TMEM238L: variants seen among roughly 807,000 people sequenced by gnomAD.
TMEM238L encodes transmembrane protein 238 like.
At chr17:10,802,715 A>T (rs2151524495) in intron 1 of TMEM238L, among the ~76,000 whole-genome samples, 1 of 152,256 alleles carries the variant, frequency 6.6e-6, no homozygotes, top group Middle Eastern at 3.4e-3. Context: ...CCACCTGGGG[A>T]GGAGGGTATG....
chr17:10,799,647 G>A (rs974751313), intron 1 of TMEM238L, among the ~76,000 whole-genome samples: 2 of 152,234 alleles, frequency 1.3e-5, no homozygotes, highest in Non-Finnish European at 1.5e-5. Flanking sequence ...AATCGTGAAT[G>A]TGTCTGGAAT....
intron 1 of TMEM238L, among the ~76,000 whole-genome samples, chr17:10,796,362 G>A (rs1013690879): frequency 2.0e-5 from 3 of 152,108 alleles, no homozygotes; most frequent in Non-Finnish European, 2.9e-5. Context: ...CGTCTATCAC[G>A]TCAGCATCCT....
intron 1 of TMEM238L, among the ~76,000 whole-genome samples, chr17:10,799,889 G>C (rs900572882): frequency 2.0e-5 from 3 of 152,016 alleles, no homozygotes; most frequent in African/African-American, 7.2e-5. Flanking sequence ...TCCCTTCCAG[G>C]GACATTGGCA....
chr17:10,799,214 G>A (rs1597578082), intron 1 of TMEM238L, among the ~76,000 whole-genome samples: 1 of 152,120 alleles, frequency 6.6e-6, no homozygotes. Flanking sequence ...TTTATTTTTT[G>A]GGGGATGGAG....
chr17:10,798,202 T>A (rs1904620266), intron 1 of TMEM238L, among the ~76,000 whole-genome samples: 1 of 151,986 alleles, frequency 6.6e-6, no homozygotes, highest in African/African-American at 2.4e-5. Flanking sequence ...CACAGCACGC[T>A]TCCCCCAGCC....
chr17:10,802,924 C>T (rs1025855308), intron 1 of TMEM238L, among the ~76,000 whole-genome samples: 1 of 152,182 alleles, frequency 6.6e-6, no homozygotes, highest in Non-Finnish European at 1.5e-5. Flanking sequence ...TCCATGAAGC[C>T]AAACTGTCTT....
intron 1 of TMEM238L, among the ~76,000 whole-genome samples, chr17:10,796,968 C>T (rs899379597): frequency 3.3e-5 from 5 of 152,190 alleles, no homozygotes; most frequent in Non-Finnish European, 4.4e-5. Flanking sequence ...GCCACTATAA[C>T]ATGAAACAGC....
chr17:10,799,540 G>C (rs2151522697), intron 1 of TMEM238L, among the ~76,000 whole-genome samples: 1 of 152,258 alleles, frequency 6.6e-6, no homozygotes, highest in South Asian at 2.1e-4. Context: ...AGCTAGGAAT[G>C]TGGGCATCAG....
At chr17:10,797,192 A>T (rs1005513894) in intron 1 of TMEM238L, among the ~76,000 whole-genome samples, 6 of 151,322 alleles carry the variant, frequency 4.0e-5, no homozygotes, top group African/African-American at 1.5e-4. Flanking sequence ...CTTAACCTCC[A>T]TACACCTTAT....
chr17:10,803,102 G>A (rs751096714), intron 1 of TMEM238L, among the ~76,000 whole-genome samples: 1 of 152,112 alleles, frequency 6.6e-6, no homozygotes, highest in Non-Finnish European at 1.5e-5. Context: ...GGTGCAGGGA[G>A]GAAGTGAACG....
At chr17:10,798,791 GGT>G (rs1904640220) in intron 1 of TMEM238L, among the ~76,000 whole-genome samples, 1 of 151,888 alleles carries the variant, frequency 6.6e-6, no homozygotes. Flanking sequence ...GTGGGGTGTT[GGT>G]GTGTGTGTAT....
At chr17:10,803,665 G>T in exon 1 of TMEM238L, 1 of 398,362 alleles carries the variant, frequency 2.5e-6, no homozygotes, top group Non-Finnish European at 4.4e-6. Context: ...AAGAGCCCCA[G>T]GTTCACAGAC....
intron 1 of TMEM238L, among the ~76,000 whole-genome samples, chr17:10,796,735 A>C (rs1415577708): frequency 2.0e-5 from 3 of 152,146 alleles, no homozygotes; most frequent in Non-Finnish European, 4.4e-5. Flanking sequence ...CATTGGCATA[A>C]CGTCTCTTCC....
intron 1 of TMEM238L, among the ~76,000 whole-genome samples, chr17:10,800,088 T>C (rs996026044): frequency 2.6e-5 from 4 of 152,064 alleles, no homozygotes; most frequent in African/African-American, 9.7e-5. Flanking sequence ...CCCGCCACCA[T>C]GCCCGGCTAA....
rs567555335 is a variant in TMEM238L at position 10,803,916 on chromosome 17, C to T, written c.48G>A (p.Ala16=). 19 of 399,434 alleles carry T rather than the reference C, an allele frequency of 4.8e-5. No homozygotes were observed. The South Asian group carries it at 1.1e-3, about 24-fold the overall frequency. 24.7% of individuals were successfully genotyped at this position (399,434 alleles called of 1,614,324 possible). ...GCAGGAGGGCGAGGATGAGGAAGAG[C>T]GCACAGCGCCCTGGATGGCATCTTC... The change falls in exon 1 of 2, where the codon GCG becomes GCA. Residue 16 remains alanine (A), a synonymous_variant. Transcript: ENST00000581851.
chr17:10,799,570 AC>A (rs1184000795), intron 1 of TMEM238L, among the ~76,000 whole-genome samples: 3 of 152,312 alleles, frequency 2.0e-5, no homozygotes, highest in Non-Finnish European at 4.4e-5. Context: ...CAGGGAGCCC[AC>A]ATTCTTTCCT....
At chr17:10,803,197 G>C (rs1904798557) in intron 1 of TMEM238L, among the ~76,000 whole-genome samples, 1 of 152,198 alleles carries the variant, frequency 6.6e-6, no homozygotes, top group Admixed American at 6.5e-5. Context: ...GGGCACAAGA[G>C]TCATTGGGGA....
intron 1 of TMEM238L, among the ~76,000 whole-genome samples, chr17:10,798,134 G>T (rs1439014710): frequency 6.6e-6 from 1 of 151,862 alleles, no homozygotes; most frequent in Non-Finnish European, 1.5e-5. Flanking sequence ...TGCTGTCCCT[G>T]TGCCATCTCT....
At chr17:10,803,741 C>T (rs562695902) in exon 1 of TMEM238L, 1 of 399,654 alleles carries the variant, frequency 2.5e-6, no homozygotes, top group Non-Finnish European at 4.4e-6. Context: ...TCCAGTTTTT[C>T]AGGAGACACC....
Sources: gnomAD v4.1 joint callset for allele counts (sites outside exome capture counted in the v4.1 genomes callset) on GRCh38, gnomAD v4.1.1 for gene constraint, MANE v1.5 for transcripts, NCBI Gene and HGNC (gene_info 2026-07-23, HGNC 2026-07-21) for gene names.